RBM33: variants seen among roughly 807,000 people sequenced by gnomAD.
RBM33 encodes RNA-binding protein 33.
Under a neutral mutation model 132.6 loss-of-function variants are expected in RBM33, and 28 were observed. That is an observed-to-expected ratio of 0.21 (90% confidence interval 0.16 to 0.29). The LOEUF is 0.29. RBM33 is among the 10% of genes least tolerant of loss of function. The pLI is 1.00. For missense variants in RBM33, 1,291 were observed against 1,518.5 expected, an observed-to-expected ratio of 0.85 and a Z score of 2.49; for synonymous variants, 634 against 593.0, an observed-to-expected ratio of 1.07 and a Z score of -1.01.
chr7:155,722,424 T>C (rs79941197), intron 9 of RBM33, among the ~76,000 whole-genome samples: 1,628 of 152,344 alleles, frequency 0.011, 25 homozygotes, highest in African/African-American at 0.037. Context: ...GAAGGCTAGT[T>C]ACCTTTCTGA....
At position 155,661,720 on chromosome 7, in the gene RBM33, T is replaced by G. The variant is rs556375894; in HGVS notation, c.44-3455T>G. Among the ~76,000 whole-genome samples, 4 of 152,284 alleles carry G rather than the reference T, an allele frequency of 2.6e-5. No homozygotes were observed. The East Asian group carries it at 7.7e-4, about 29-fold the overall frequency. ...ACTGCACCTGGCCTGTTTATTCATA[T>G]TCTTTATTTGACCTGACACTGTCAT... On this transcript the variant is annotated intron_variant, in intron 1 of 17. Coordinates refer to ENST00000401878, the MANE Select transcript of RBM33 (RefSeq NM_053043.3).
At chr7:155,735,564 G>A (rs898704024) in intron 9 of RBM33, among the ~76,000 whole-genome samples, 3 of 151,872 alleles carry the variant, frequency 2.0e-5, no homozygotes, top group Admixed American at 1.3e-4. Context: ...TGGATGTGGT[G>A]TCATGCTCTG....
intron 14 of RBM33, among the ~76,000 whole-genome samples, chr7:155,751,817 T>C (rs1022858896): frequency 3.3e-5 from 5 of 152,184 alleles, no homozygotes; most frequent in African/African-American, 1.2e-4. Flanking sequence ...GAAGATACTT[T>C]GAGACGATTG....
intron 5 of RBM33, among the ~76,000 whole-genome samples, chr7:155,686,118 A>G (rs1799471256): frequency 6.6e-6 from 1 of 152,228 alleles, no homozygotes; most frequent in African/African-American, 2.4e-5. Flanking sequence ...AACTTAGAGA[A>G]AGGACAGAAT....
chr7:155,646,114 C>T (rs912111797), intron 1 of RBM33, among the ~76,000 whole-genome samples: 3 of 152,082 alleles, frequency 2.0e-5, no homozygotes, highest in African/African-American at 2.4e-5. Context: ...CCTGGGAACT[C>T]TTGGGTGAAC....
At chr7:155,657,250 A>G (rs1370931619) in intron 1 of RBM33, among the ~76,000 whole-genome samples, 2 of 152,318 alleles carry the variant, frequency 1.3e-5, no homozygotes, top group South Asian at 2.1e-4. Context: ...GGAAAGTGCT[A>G]CGTAGCACGA....
Position 155,745,797 on chromosome 7 carries a change from A to AAC in RBM33, c.2979+195_2979+196insAC, listed in dbSNP as rs1243104269. 1.6e-6 allele frequency: 1 copy of AAC among 615,954 alleles called. No homozygotes were observed. The highest frequency in any genetic ancestry group is 1.8e-5 in the African/African-American group (1 of 54,096). 38.2% of individuals were successfully genotyped at this position (615,954 alleles called of 1,614,324 possible). On this transcript the variant is annotated intron_variant, in intron 14 of 17. Coordinates refer to ENST00000401878, the MANE Select transcript of RBM33 (RefSeq NM_053043.3). This position sits in a 1 kb window ranked among gnomAD's most constrained non-coding sequence, Gnocchi z 4.1. ...CATACATTCTCAGAAATGTGTTGTTAGGCGATTTTGTCATTGTCTGAACGT... is the reference window on the plus strand; with the variant it reads ...CATACATTCTCAGAAATGTGTTGTTAACGGCGATTTTGTCATTGTCTGAACGT...
chr7:155,737,138 G>A (rs1801149629), intron 9 of RBM33, among the ~76,000 whole-genome samples: 1 of 152,174 alleles, frequency 6.6e-6, no homozygotes, highest in African/African-American at 2.4e-5. Flanking sequence ...TGTGACAGTT[G>A]CCTACAGTAT....
At chr7:155,666,491 T>C (rs1350617482) in intron 2 of RBM33, among the ~76,000 whole-genome samples, 1 of 152,200 alleles carries the variant, frequency 6.6e-6, no homozygotes, top group Admixed American at 6.5e-5. Context: ...CTTATCCCAG[T>C]CAAGCTGTCG....
rs192870636 is a variant in RBM33 at position 155,780,490 on chromosome 7, G to C, written c.*5449G>C. The stretch of plus-strand genomic sequence containing the variant: ...CCTGCTTCTTGCTACTGTTCATTTA[G>C]TAATGGGATCACCTCACCATGCCAT... On this transcript the variant is annotated 3_prime_UTR_variant, in exon 18 of 18. Transcript: ENST00000401878. The C allele has an allele frequency of 2.6e-5, 4 of 152,436 alleles. No homozygotes were observed. Among genetic ancestry groups the C allele is most frequent in the Non-Finnish European group, 5.9e-5 (4 of 68,110 alleles). The allele number at this position is 152,436 out of a possible 1,614,324, so 9.4% of individuals were successfully genotyped here.
chr7:155,763,688 C>A, intron 14 of RBM33, 124 bp from the exon 15 acceptor site: 2 of 849,348 alleles, frequency 2.4e-6, no homozygotes, highest in South Asian at 1.5e-5. Context: ...AGTTTCGAGT[C>A]ACACTTGTTT....
At position 155,745,679 on chromosome 7, in the gene RBM33, T is replaced by C; in HGVS notation, c.2979+77T>C. On this transcript the variant is annotated intron_variant, in intron 14 of 17. Coordinates refer to ENST00000401878, the MANE Select transcript of RBM33 (RefSeq NM_053043.3). This position sits in a 1 kb window ranked among gnomAD's most constrained non-coding sequence, Gnocchi z 4.1. ...ATGTCCTCATTTGCAGAGAATGTTT[T>C]TGAAGAAAGAATTAAAAGTTACCTC... The C allele has an allele frequency of 7.4e-7, 1 of 1,349,484 alleles. No homozygotes were observed. The highest frequency in any genetic ancestry group is 9.9e-7 in the Non-Finnish European group (1 of 1,005,156). 83.6% of individuals were successfully genotyped at this position (1,349,484 alleles called of 1,614,324 possible).
At chr7:155,742,464 A>G (rs1801380886) in intron 13 of RBM33, among the ~76,000 whole-genome samples, 1 of 152,208 alleles carries the variant, frequency 6.6e-6, no homozygotes, top group Non-Finnish European at 1.5e-5. Flanking sequence ...CACAAAGGCA[A>G]TTTAAATATA....
intron 5 of RBM33, among the ~76,000 whole-genome samples, chr7:155,696,918 T>C (rs1474747312): frequency 6.6e-6 from 1 of 152,164 alleles, no homozygotes; most frequent in African/African-American, 2.4e-5. Context: ...CTCAGTTTGT[T>C]TGACGCTTTT....
chr7:155,673,778 A>T (rs1447740711), intron 3 of RBM33, among the ~76,000 whole-genome samples: 1 of 147,694 alleles, frequency 6.8e-6, no homozygotes. Context: ...GCACACACAC[A>T]CACACACACA....
intron 14 of RBM33, among the ~76,000 whole-genome samples, chr7:155,763,487 G>T (rs539353654): frequency 8.5e-5 from 13 of 152,358 alleles, no homozygotes; most frequent in African/African-American, 2.9e-4. Context: ...AAGTGAAAAT[G>T]CGTGTTGGAT....
chr7:155,735,503 A>C (rs987875932), intron 9 of RBM33, among the ~76,000 whole-genome samples: 2 of 152,166 alleles, frequency 1.3e-5, no homozygotes, highest in African/African-American at 4.8e-5. Flanking sequence ...CCAGGCGTTC[A>C]AGACCAACTT....
chr7:155,679,963 T>C (rs1246115243), intron 4 of RBM33, among the ~76,000 whole-genome samples: 1 of 152,220 alleles, frequency 6.6e-6, no homozygotes, highest in Non-Finnish European at 1.5e-5. Context: ...TCAAAACCTT[T>C]GTTATTTTAC....
At chr7:155,692,270 A>G (rs1448397928) in intron 5 of RBM33, among the ~76,000 whole-genome samples, 1 of 152,144 alleles carries the variant, frequency 6.6e-6, no homozygotes, top group Admixed American at 6.5e-5. Context: ...TATTGATCAG[A>G]TGTAGTCTGA....
Sources: allele counts gnomAD v4.1 joint callset (sites outside exome capture counted in the v4.1 genomes callset), GRCh38; gene constraint gnomAD v4.1.1; non-coding constraint Gnocchi (gnomAD v3.1); transcripts MANE v1.5; gene names NCBI Gene and HGNC (gene_info 2026-07-23, HGNC 2026-07-21).